The following MTARC1 variants were observed in gnomAD, a reference collection of about 807,000 sequenced individuals.
MTARC1 encodes mitochondrial amidoxime-reducing component 1.
In MTARC1, 24 loss-of-function variants were observed where a neutral mutation model predicts 33.6. The ratio of observed to expected loss-of-function variants is 0.72; its 90% CI spans 0.52 to 1.01. MTARC1 has a LOEUF of 1.01. MTARC1 is among the 50% of genes least tolerant of loss of function. The pLI, the probability that MTARC1 is intolerant of heterozygous loss-of-function variation, is 0.00. For synonymous variants in MTARC1, 187 were observed against 189.5 expected (o/e 0.99, Z 0.11); for missense variants, 417 against 445.7 (o/e 0.94, Z 0.58).
chr1:220,797,073 C>T (rs1164801382), intron 3 of MTARC1, among the ~76,000 whole-genome samples: 2 of 152,200 alleles, frequency 1.3e-5, no homozygotes, highest in Non-Finnish European at 2.9e-5. Flanking sequence ...AACTGTTCTG[C>T]ACCAGTGTCT....
chr1:220,798,820 C>A, intron 4 of MTARC1: 2 of 978,888 alleles, frequency 2.0e-6, no homozygotes, highest in Non-Finnish European at 2.4e-6. Context: ...CTGCCCATTT[C>A]CTCCATAACA....
chr1:220,789,435 G>T (rs1030800869), intron 1 of MTARC1, among the ~76,000 whole-genome samples: 2 of 123,462 alleles, frequency 1.6e-5, no homozygotes, highest in African/African-American at 5.3e-5. Flanking sequence ...CAGCTGATGA[G>T]CAAAAACAAA....
chr1:220,810,067 CTAAA>C (rs1673080991), intron 6 of MTARC1, among the ~76,000 whole-genome samples: 1 of 152,162 alleles, frequency 6.6e-6, no homozygotes, highest in Non-Finnish European at 1.5e-5. Context: ...CGGTTTTAAG[CTAAA>C]TAAAGTGTCT....
Position 220,805,229 on chromosome 1 carries a change from A to G in MTARC1, c.842A>G (p.Asp281Gly). ...SRCILTTVDP[D>G]TGVMSRKEPL... The stretch of plus-strand genomic sequence containing the variant: ...TGCATTTTAACCACAGTGGACCCAG[A>G]CACCGGTGTCATGAGCAGGAAGGAA... Residue 281 changes from aspartate to glycine, a missense_variant, in exon 6 of 7, where the codon GAC (aspartate) becomes GGC (glycine). By Grantham distance (94) the Asp-to-Gly change is moderately conservative (BLOSUM62 -1). Coordinates refer to ENST00000366910, the MANE Select transcript of MTARC1 (RefSeq NM_022746.4). The G allele has an allele frequency of 6.2e-7, 1 of 1,613,790 alleles. No homozygotes were observed. Among genetic ancestry groups the G allele is most frequent in the Non-Finnish European group, 8.5e-7 (1 of 1,180,030 alleles).
intron 2 of MTARC1, among the ~76,000 whole-genome samples, chr1:220,796,015 G>T (rs1393259287): frequency 6.6e-6 from 1 of 151,972 alleles, no homozygotes; most frequent in Non-Finnish European, 1.5e-5. Flanking sequence ...TTCATATAAC[G>T]CCAAACAGCC....
At chr1:220,810,099 A>G (rs1204558679) in intron 6 of MTARC1, among the ~76,000 whole-genome samples, 1 of 152,232 alleles carries the variant, frequency 6.6e-6, no homozygotes, top group Non-Finnish European at 1.5e-5. Context: ...CCTGCTCATT[A>G]GAATAGTTAT....
chr1:220,800,661 C>T (rs1571672937), intron 4 of MTARC1, among the ~76,000 whole-genome samples: 1 of 152,064 alleles, frequency 6.6e-6, no homozygotes, highest in African/African-American at 2.4e-5. Flanking sequence ...ATCCTTCTGC[C>T]AGAGCTTTCC....
At chr1:220,811,691 C>T (rs1008642918) in intron 6 of MTARC1, among the ~76,000 whole-genome samples, 12 of 152,192 alleles carry the variant, frequency 7.9e-5, no homozygotes, top group Admixed American at 1.3e-4. Context: ...TGAAGGTTAA[C>T]TTCTTCCCAG....
rs745689679 is a variant in MTARC1 at position 220,798,205 on chromosome 1, A to T, written c.753+191A>T. ...TTCTGTGTGGAGGATACAAATGTTG[A>T]TGGGTCAGAGACTGTCATCAAGGAG... On this transcript the variant is annotated intron_variant, in intron 4 of 6. Coordinates refer to ENST00000366910, the MANE Select transcript of MTARC1 (RefSeq NM_022746.4). 11 of 1,518,498 alleles carry T rather than the reference A, an allele frequency of 7.2e-6. No individual in the cohort carries two copies. In the East Asian group the frequency reaches 2.8e-4, roughly 39 times the overall value. The allele number at this position is 1,518,498 out of a possible 1,614,324, so 94.1% of individuals were successfully genotyped here.
At chr1:220,804,728 C>T (rs1385434121) in intron 4 of MTARC1, among the ~76,000 whole-genome samples, 2 of 146,562 alleles carry the variant, frequency 1.4e-5, no homozygotes, top group Admixed American at 6.9e-5. Flanking sequence ...ACCCCATTCA[C>T]TTTGTGCACC....
At chr1:220,798,744 C>G (rs1672697225) in intron 4 of MTARC1, 1 of 794,934 alleles carries the variant, frequency 1.3e-6, no homozygotes, top group Non-Finnish European at 1.5e-6. Flanking sequence ...TTCAGGAGCT[C>G]TGGTTGTGCC....
intron 3 of MTARC1, 25 bp downstream of exon 3, chr1:220,796,830 G>A (rs1239960034): frequency 1.3e-6 from 2 of 1,576,034 alleles, no homozygotes; most frequent in Admixed American, 1.9e-5. Context: ...TGCCTCCATG[G>A]GTAGAAAGCA....
At position 220,819,041 on chromosome 1, in the gene MTARC1, A is replaced by G. The variant is rs1002107372; in HGVS notation, c.*5623A>G. The G allele has an allele frequency of 6.6e-6, 1 of 152,230 alleles. No homozygotes were observed. The highest frequency in any genetic ancestry group is 1.5e-5 in the Non-Finnish European group (1 of 68,044). 9.4% of individuals were successfully genotyped at this position (152,230 alleles called of 1,614,324 possible). On this transcript the variant is annotated 3_prime_UTR_variant, in exon 7 of 7. Transcript: ENST00000366910. Reference sequence around the variant, plus strand: ...GAGCCATTCCTGTCGTCTGGATGCCATAACATTGGAGGAATGATGATCGTT... The same window carrying G: ...GAGCCATTCCTGTCGTCTGGATGCCGTAACATTGGAGGAATGATGATCGTT...
intron 4 of MTARC1, among the ~76,000 whole-genome samples, chr1:220,801,043 G>A (rs1056777746): frequency 1.3e-5 from 2 of 152,154 alleles, no homozygotes; most frequent in African/African-American, 2.4e-5. Flanking sequence ...CCCTGTTGAT[G>A]TAAGTCACAT....
rs1278240427 is a variant in MTARC1, at chr1:220,805,233, CG to C, written c.848del (p.Gly283ValfsTer3). The stretch of plus-strand genomic sequence containing the variant: ...TTTTAACCACAGTGGACCCAGACAC[CG>C]GTGTCATGAGCAGGAAGGAACCGCT... ...CILTTVDPDT[G>X]VMSRKEPLET... On this transcript the variant is annotated frameshift_variant, in exon 6 of 7. Transcript: ENST00000366910. LOFTEE classifies it low-confidence loss of function (END_TRUNC). 1.2e-6 allele frequency: 2 copies of C among 1,613,712 alleles called. No homozygotes were observed. The highest frequency in any genetic ancestry group is 1.7e-6 in the Non-Finnish European group (2 of 1,180,028).
In MTARC1 at chr1:220,813,607, A is replaced by G. The variant is rs1013500353; in HGVS notation, c.*189A>G. On this transcript the variant is annotated 3_prime_UTR_variant, in exon 7 of 7. Coordinates refer to ENST00000366910, the MANE Select transcript of MTARC1 (RefSeq NM_022746.4). The stretch of plus-strand genomic sequence containing the variant: ...GTCCCAGTGCAAAAAGTAAAGAAAT[A>G]TAGTCTCAATAACTTAGTAGGACTT... 6.0e-6 allele frequency: 4 copies of G among 662,450 alleles called. No individual in the cohort carries two copies. The African/African-American group carries it at 7.3e-5, about 12-fold the overall frequency. The allele number at this position is 662,450 out of a possible 1,614,324, so 41.0% of individuals were successfully genotyped here. A position where few individuals can be genotyped will look rare whatever the true frequency, so the allele number is the denominator to read the frequency against.
intron 4 of MTARC1, among the ~76,000 whole-genome samples, chr1:220,803,087 C>T (rs889686237): frequency 6.6e-6 from 1 of 152,154 alleles, no homozygotes; most frequent in Middle Eastern, 3.2e-3. Context: ...ATACCCGAGA[C>T]TGGGTAATTT....
rs1196205341 is a variant in MTARC1 at position 220,791,633 on chromosome 1, A to G, written c.418A>G (p.Thr140Ala). The change falls in exon 2 of 7, where the codon ACG (threonine) becomes GCG (alanine). Residue 140 changes from threonine to alanine, a missense_variant. Physicochemically the swap from Thr to Ala is moderately conservative, Grantham distance 58. Coordinates refer to ENST00000366910, the MANE Select transcript of MTARC1 (RefSeq NM_022746.4). Reference sequence around the variant, plus strand: ...AAAGGACCTACTACTGCCTATCAAAACGCCCACCACAAATGCAGTGCACAA... The same window carrying G: ...AAAGGACCTACTACTGCCTATCAAAGCGCCCACCACAAATGCAGTGCACAA... ...YTKDLLLPIKTPTTNAVHKCR... is the reference protein window; with the variant it reads ...YTKDLLLPIKAPTTNAVHKCR... 6.2e-7 allele frequency: 1 copy of G among 1,614,116 alleles called. No individual in the cohort carries two copies. Among genetic ancestry groups the G allele is most frequent in the Non-Finnish European group, 8.5e-7 (1 of 1,180,014 alleles).
chr1:220,806,832 C>T (rs775810589), intron 6 of MTARC1, among the ~76,000 whole-genome samples: 2 of 152,162 alleles, frequency 1.3e-5, no homozygotes, highest in Admixed American at 6.5e-5. Flanking sequence ...GCCTAGGCCA[C>T]CTGGCAGAGA....
Sources: gnomAD v4.1 joint callset for allele counts (sites outside exome capture counted in the v4.1 genomes callset) on GRCh38, gnomAD v4.1.1 for gene constraint, MANE v1.5 for transcripts, NCBI Gene and HGNC (gene_info 2026-07-23, HGNC 2026-07-21) for gene names.